Variants in DUS4L observed in about 807,000 individuals in gnomAD.
DUS4L encodes the protein dihydrouridine synthase 4 like, also known as tRNA-dihydrouridine(20a/20b) synthase [NAD(P)+]-like.
In DUS4L, 31 loss-of-function variants were observed where a neutral mutation model predicts 33.8. The observed-to-expected ratio is 0.92, with a 90% CI of 0.69 to 1.24. DUS4L has a LOEUF of 1.24. Ranked by LOEUF, DUS4L falls within the 50% of genes most tolerant of loss-of-function variation. The pLI is 0.00. For missense variants in DUS4L, 368 were observed against 388.6 expected (o/e 0.95, Z 0.45); for synonymous variants, 103 against 120.3 (o/e 0.86, Z 0.94).
At chr7:107,567,967 A>T (rs1024833064) in intron 3 of DUS4L, 1 of 220,812 alleles carries the variant, frequency 4.5e-6, no homozygotes, top group East Asian at 1.4e-4. Flanking sequence ...GTTGTAGCAT[A>T]TATCAGACTT....
chr7:107,576,741 A>G (rs1585002418), intron 7 of DUS4L, 149 bp downstream of exon 7: 4 of 723,192 alleles, frequency 5.5e-6, no homozygotes, highest in African/African-American at 3.7e-5. Flanking sequence ...TATTAAAATG[A>G]TGTTAAGTTT....
rs1175929461 is a variant in DUS4L, at chr7:107,578,358, T to C, written c.*798T>C. 1 of 152,232 alleles carries C rather than the reference T, an allele frequency of 6.6e-6. No homozygotes were observed. The highest frequency in any genetic ancestry group is 2.4e-5 in the African/African-American group (1 of 41,460). The allele number at this position is 152,232 out of a possible 1,614,324, so 9.4% of individuals were successfully genotyped here. ...GGAGTGTTATTAATAGATTTTGTTA[T>C]CGGTGGGCATGCACTGCAAGAATTA... On this transcript the variant is annotated 3_prime_UTR_variant, in exon 8 of 8. Coordinates refer to ENST00000265720, the MANE Select transcript of DUS4L (RefSeq NM_181581.3).
At chr7:107,564,275 C>A in intron 1 of DUS4L, 66 bp downstream of exon 1, 1 of 508,334 alleles carries the variant, frequency 2.0e-6, no homozygotes, top group Non-Finnish European at 3.6e-6. Context: ...GAACAGGGGC[C>A]GCGCGGCGTA....
chr7:107,566,955 A>AT (rs1208472471), intron 2 of DUS4L, 95 bp from the exon 3 acceptor site: 1 of 887,478 alleles, frequency 1.1e-6, no homozygotes, highest in Non-Finnish European at 1.6e-6. Context: ...CACAAGCCTG[A>AT]TAAAAAATAT....
intron 3 of DUS4L, among the ~76,000 whole-genome samples, chr7:107,569,743 AT>A (rs1805037055): frequency 6.6e-6 from 1 of 152,204 alleles, no homozygotes; most frequent in Non-Finnish European, 1.5e-5. Context: ...ATAGAAATAG[AT>A]TTTTGTATGT....
chr7:107,573,980 T>C (rs985494615), intron 5 of DUS4L, 159 bp downstream of exon 5: 2 of 1,074,076 alleles, frequency 1.9e-6, no homozygotes, highest in Non-Finnish European at 1.2e-6. Flanking sequence ...GGAAATGTAA[T>C]TTAGAAACAT....
At chr7:107,574,282 G>A (rs1805529763) in intron 5 of DUS4L, among the ~76,000 whole-genome samples, 1 of 150,174 alleles carries the variant, frequency 6.7e-6, no homozygotes, top group Admixed American at 6.6e-5. Context: ...CTATACCACA[G>A]TTACTTGTTT....
chr7:107,566,965 T>C (rs117325889), intron 2 of DUS4L, 85 bp from the exon 3 acceptor site: 26,604 of 946,596 alleles, frequency 0.028, 500 homozygotes, highest in Non-Finnish European at 0.034. Context: ...ATAAAAAATA[T>C]ATGTTGTTGG....
intron 3 of DUS4L, chr7:107,570,362 A>G (rs1487804230): frequency 6.6e-6 from 1 of 152,060 alleles, no homozygotes; most frequent in African/African-American, 2.4e-5. Context: ...CAGTGATGAG[A>G]GTTCCAGTTC....
chr7:107,574,415 C>G (rs1339853443), intron 5 of DUS4L, among the ~76,000 whole-genome samples: 2 of 150,318 alleles, frequency 1.3e-5, no homozygotes, highest in African/African-American at 4.9e-5. Context: ...CTCGGCTCAC[C>G]ACAACTACCG....
Position 107,563,991 on chromosome 7 carries a change from G to C in DUS4L, c.-329G>C. The C allele has an allele frequency of 6.4e-7, 1 of 1,555,928 alleles. No homozygotes were observed. The highest frequency in any genetic ancestry group is 8.7e-7 in the Non-Finnish European group (1 of 1,151,214). ...GCGCCGCCCGCCCACCCAGCCCATG[G>C]CTCCAGGCCCACCTGGCGAACTGAC... On this transcript the variant is annotated 5_prime_UTR_variant, in exon 1 of 8. Transcript: ENST00000265720.
intron 4 of DUS4L, among the ~76,000 whole-genome samples, chr7:107,573,478 A>G (rs1805447848): frequency 6.6e-6 from 1 of 152,206 alleles, no homozygotes; most frequent in Non-Finnish European, 1.5e-5. Flanking sequence ...AAAGTATTAG[A>G]ATTGTTTTCA....
In DUS4L at chr7:107,563,994, C is replaced by A. The variant is rs553497146; in HGVS notation, c.-326C>A. 1.2e-4 allele frequency: 180 copies of A among 1,506,902 alleles called. 1 individual carries two copies. In the African/African-American group the frequency reaches 2.1e-3, roughly 18 times the overall value. The allele number at this position is 1,506,902 out of a possible 1,614,324, so 93.3% of individuals were successfully genotyped here. A position where few individuals can be genotyped will look rare whatever the true frequency, so the allele number is the denominator to read the frequency against. ...CCGCCCGCCCACCCAGCCCATGGCT[C>A]CAGGCCCACCTGGCGAACTGACTCT... On this transcript the variant is annotated 5_prime_UTR_variant, in exon 1 of 8. Coordinates refer to ENST00000265720, the MANE Select transcript of DUS4L (RefSeq NM_181581.3).
intron 3 of DUS4L, chr7:107,570,054 G>C (rs1805063018): frequency 1.3e-5 from 2 of 151,420 alleles, no homozygotes; most frequent in African/African-American, 4.9e-5. Flanking sequence ...CTCTACTTCT[G>C]GTTTTCCAAG....
chr7:107,571,093 A>T, intron 3 of DUS4L, 52 bp from the exon 4 acceptor site: 1 of 1,608,898 alleles, frequency 6.2e-7, no homozygotes, highest in Non-Finnish European at 8.5e-7. Flanking sequence ...AATGCACTAA[A>T]ATATGTTTGT....
rs1476593701 is a variant in DUS4L, at chr7:107,571,178, T to G, written c.150T>G (p.Ser50Arg). 6.2e-7 allele frequency: 1 copy of G among 1,613,402 alleles called. No individual in the cohort carries two copies. The highest frequency in any genetic ancestry group is 1.3e-5 in the African/African-American group (1 of 74,898). ...LAFRTLVRKY[S>R]CDLCYTPMIV... ...TTAGGACACTAGTAAGAAAATATAG[T>G]TGTGATCTGTGTTACACACCAATGA... Residue 50 changes from serine to arginine, a missense_variant, in exon 4 of 8, where the codon AGT (serine) becomes AGG (arginine). Coordinates refer to ENST00000265720, the MANE Select transcript of DUS4L (RefSeq NM_181581.3).
At position 107,575,235 on chromosome 7, in the gene DUS4L, A is replaced by G. The variant is rs1369540385; in HGVS notation, c.404A>G (p.Glu135Gly). The G allele has an allele frequency of 9.9e-6, 16 of 1,609,982 alleles. No individual in the cohort carries two copies. The highest frequency in any genetic ancestry group is 1.2e-5 in the Non-Finnish European group (14 of 1,179,032). Residue 135 changes from glutamate to glycine, a missense_variant, in exon 6 of 8, where the codon GAG becomes GGG. Glu to Gly is a moderately conservative substitution (Grantham distance 98). Coordinates refer to ENST00000265720, the MANE Select transcript of DUS4L (RefSeq NM_181581.3). The stretch of plus-strand genomic sequence containing the variant: ...GGGGCTTGCTTAATAAACAAGCCAG[A>G]GCTTGTTCAAGACATGGTGAAACAA... ...GYGACLINKP[E>G]LVQDMVKQVR...
chr7:107,566,528 G>A (rs554601029), intron 2 of DUS4L, among the ~76,000 whole-genome samples: 10 of 151,878 alleles, frequency 6.6e-5, no homozygotes, highest in South Asian at 6.2e-4. Context: ...AATAATTAAC[G>A]TTTGTTTATC....
In DUS4L at chr7:107,577,400, T is replaced by C. The variant is rs1353345943; in HGVS notation, c.794T>C (p.Val265Ala). The change falls in exon 8 of 8, where the codon GTT (valine) becomes GCT (alanine). Residue 265 changes from valine to alanine, a missense_variant. Transcript: ENST00000265720. ...CCACTGAAATGCATCTGGGACTGGG[T>C]TGACATTGCTCTTGAACTCGGGACT... is the stretch of plus-strand genomic sequence containing the variant. ...ETPLKCIWDWVDIALELGTPY... is the reference protein window; with the variant it reads ...ETPLKCIWDWADIALELGTPY... The C allele has an allele frequency of 1.4e-5, 23 of 1,613,980 alleles. No homozygotes were observed. The highest frequency in any genetic ancestry group is 1.9e-5 in the Non-Finnish European group (23 of 1,180,012).
Sources: allele counts gnomAD v4.1 joint callset (sites outside exome capture counted in the v4.1 genomes callset), GRCh38; gene constraint gnomAD v4.1.1; transcripts MANE v1.5; gene names NCBI Gene and HGNC (gene_info 2026-07-23, HGNC 2026-07-21).